The following PADI4 variants were observed in gnomAD, a reference collection of about 807,000 sequenced individuals.
PADI4 encodes protein-arginine deiminase type-4.
PADI4 carries 62 observed loss-of-function variants against 75.0 expected under a neutral mutation model. That is an observed-to-expected ratio of 0.83 (90% CI 0.67 to 1.02). The LOEUF is 1.02. Among genes scored for constraint, PADI4 ranks in the 50% least tolerant of loss-of-function variants. The probability of loss-of-function intolerance (pLI) is 0.00; values close to 1 mark genes in which losing one functional copy is unlikely to be tolerated. For missense variants in PADI4, 845 were observed against 850.5 expected (o/e 0.99, Z 0.08); for synonymous variants, 361 against 348.1 (o/e 1.04, Z -0.41).
chr1:17,363,490 T>G (rs2074875559), intron 15 of PADI4, 32 bp from the exon 16 acceptor site: 2 of 1,499,050 alleles, frequency 1.3e-6, no homozygotes, highest in Non-Finnish European at 1.9e-6. Flanking sequence ...TGCCCGCTGC[T>G]GCCTGTGACC....
At chr1:17,316,525 TA>T (rs2073937700) in intron 1 of PADI4, among the ~76,000 whole-genome samples, 1 of 151,030 alleles carries the variant, frequency 6.6e-6, no homozygotes, top group African/African-American at 2.4e-5. Flanking sequence ...CCGTCTCTAC[TA>T]AAAATACAAA....
chr1:17,357,152 A>T (rs973975980), intron 13 of PADI4, among the ~76,000 whole-genome samples: 11 of 152,128 alleles, frequency 7.2e-5, no homozygotes, highest in African/African-American at 2.4e-4. Flanking sequence ...TTATAAGTAA[A>T]CCTGTTAAAT....
At chr1:17,359,234 C>CCCCCCCCCCCAG in intron 14 of PADI4, 46 bp from the exon 15 acceptor site, 1 of 888,914 alleles carries the variant, frequency 1.1e-6, no homozygotes, top group Non-Finnish European at 1.8e-6. Context: ...CCCCCACCCC[C>CCCCCCCCCCCAG]GACTGCCATC....
intron 1 of PADI4, among the ~76,000 whole-genome samples, chr1:17,313,960 G>A (rs2073890059): frequency 6.6e-6 from 1 of 152,226 alleles, no homozygotes; most frequent in Admixed American, 6.5e-5. Flanking sequence ...AACACAGCCA[G>A]AGGAAGCACA....
intron 8 of PADI4, among the ~76,000 whole-genome samples, chr1:17,342,932 G>A (rs1034883021): frequency 5.3e-5 from 8 of 151,994 alleles, no homozygotes; most frequent in African/African-American, 9.7e-5. Flanking sequence ...CTGAGATTGC[G>A]CCACTGCGCT....
intron 13 of PADI4, among the ~76,000 whole-genome samples, chr1:17,358,252 CA>C (rs976495943): frequency 9.1e-5 from 13 of 142,314 alleles, no homozygotes; most frequent in African/African-American, 1.5e-4. Flanking sequence ...TGTCTCAAAA[CA>C]AAAAAAAAAT....
intron 7 of PADI4, 42 bp from the exon 8 acceptor site, chr1:17,342,257 A>G (rs1302082004): frequency 7.0e-7 from 1 of 1,425,802 alleles, no homozygotes; most frequent in Non-Finnish European, 9.9e-7. Flanking sequence ...GGGCCCTGGC[A>G]GCGGTGACAG....
intron 2 of PADI4, among the ~76,000 whole-genome samples, chr1:17,333,629 C>T (rs1293226678): frequency 2.0e-5 from 3 of 151,872 alleles, no homozygotes; most frequent in Middle Eastern, 3.4e-3. Flanking sequence ...GCCTCTTCTG[C>T]CCCATCTCCA....
intron 3 of PADI4, among the ~76,000 whole-genome samples, chr1:17,335,787 C>T (rs979417321): frequency 4.6e-5 from 7 of 152,198 alleles, no homozygotes; most frequent in Admixed American, 3.3e-4. Context: ...CAGAGTCTTT[C>T]GAGAGGCTGG....
At chr1:17,310,685 G>A (rs561729940) in intron 1 of PADI4, among the ~76,000 whole-genome samples, 2 of 152,268 alleles carry the variant, frequency 1.3e-5, no homozygotes, top group East Asian at 3.9e-4. Context: ...GGCAAGCTGG[G>A]CACGGTGGCT....
chr1:17,359,216 GT>G, intron 14 of PADI4, 63 bp from the exon 15 acceptor site: 2 of 802,008 alleles, frequency 2.5e-6, no homozygotes, highest in South Asian at 1.6e-5. Context: ...GCCCCACACT[GT>G]CCCCCACCCC....
At chr1:17,334,307 A>T (rs953746161) in intron 3 of PADI4, 15 of 343,422 alleles carry the variant, frequency 4.4e-5, no homozygotes, top group African/African-American at 1.3e-4. Flanking sequence ...ATCTCCATTA[A>T]TTTTTTTTTT....
intron 1 of PADI4, among the ~76,000 whole-genome samples, chr1:17,314,956 G>C (rs956592196): frequency 6.6e-6 from 1 of 152,212 alleles, no homozygotes; most frequent in African/African-American, 2.4e-5. Flanking sequence ...CACTGACCCT[G>C]GCAATCTCCC....
At chr1:17,331,791 G>C (rs1377558620) in intron 2 of PADI4, among the ~76,000 whole-genome samples, 1 of 152,062 alleles carries the variant, frequency 6.6e-6, no homozygotes, top group African/African-American at 2.4e-5. Flanking sequence ...AGTGGCGAGC[G>C]CCTGTAATCC....
intron 3 of PADI4, 54 bp from the exon 4 acceptor site, chr1:17,336,105 G>C: frequency 7.8e-7 from 1 of 1,288,152 alleles, no homozygotes; most frequent in Non-Finnish European, 1.1e-6. Flanking sequence ...GCCAGGCTGG[G>C]TGCCCCAACC....
At chr1:17,325,291 A>G (rs1285603165) in intron 1 of PADI4, among the ~76,000 whole-genome samples, 1 of 152,228 alleles carries the variant, frequency 6.6e-6, no homozygotes, top group Non-Finnish European at 1.5e-5. Flanking sequence ...TTTTCTTCAT[A>G]AAAATCTTAC....
rs749608670 is a variant in PADI4, at chr1:17,360,018, G to T, written c.1758+610G>T. On this transcript the variant is annotated intron_variant, in intron 15 of 15. Transcript: ENST00000375448. The stretch of plus-strand genomic sequence containing the variant: ...AGACAGTCATCTTGAGGCCGGGTGC[G>T]GTGGCTCACGCCTGTAATCCTAGCA... Among the ~76,000 whole-genome samples the T allele has an allele frequency of 8.5e-5, 13 of 152,074 alleles. 1 individual carries two copies.
intron 1 of PADI4, among the ~76,000 whole-genome samples, chr1:17,311,935 C>T (rs1055832804): frequency 6.6e-6 from 1 of 152,162 alleles, no homozygotes; most frequent in Non-Finnish European, 1.5e-5. Flanking sequence ...ATTAACACCC[C>T]TTCCTGGGTT....
intron 2 of PADI4, 119 bp from the exon 3 acceptor site, chr1:17,333,824 C>G (rs1427418689): frequency 8.3e-6 from 6 of 721,628 alleles, no homozygotes; most frequent in African/African-American, 1.7e-5. Context: ...CAGGCTAGGA[C>G]CAGTTCTTGC....
Sources: allele counts gnomAD v4.1 joint callset (sites outside exome capture counted in the v4.1 genomes callset), GRCh38; gene constraint gnomAD v4.1.1; transcripts MANE v1.5; gene names NCBI Gene and HGNC (gene_info 2026-07-23, HGNC 2026-07-21).